The following ASIC2 variants were observed in gnomAD, a reference collection of about 807,000 sequenced individuals.
ASIC2 encodes the protein acid sensing ion channel subunit 2.
A neutral mutation model predicts 57.3 loss-of-function variants in ASIC2; 25 were observed. That is an observed-to-expected ratio of 0.44 (90% CI 0.32 to 0.61). The LOEUF (loss-of-function observed/expected upper bound fraction) is 0.61. Among genes scored for constraint, ASIC2 ranks in the 20% least tolerant of loss-of-function variants. ASIC2 has a pLI of 0.06. For synonymous variants in ASIC2, 319 were observed against 307.5 expected (o/e 1.04, Z -0.39); for missense variants, 641 against 738.1 (o/e 0.87, Z 1.52).
chr17:33,965,750 T>C (rs1905057052), intron 1 of ASIC2, among the ~76,000 whole-genome samples: 1 of 152,216 alleles, frequency 6.6e-6, no homozygotes, highest in Non-Finnish European at 1.5e-5. Flanking sequence ...GGCTCCAGCA[T>C]GCACACTCTT....
At chr17:33,934,339 T>C (rs567120092) in intron 1 of ASIC2, among the ~76,000 whole-genome samples, 1 of 152,316 alleles carries the variant, frequency 6.6e-6, no homozygotes, top group South Asian at 2.1e-4. Context: ...AAACTCAAAC[T>C]TGCATTTTCT....
At position 33,415,267 on chromosome 17, in the gene ASIC2, C is replaced by T. The variant is rs541564910; in HGVS notation, c.556-303200G>A. 2.6e-5 allele frequency among the ~76,000 whole-genome samples: 4 copies of T among 152,266 alleles called. No individual in the cohort carries two copies. In the South Asian group the frequency reaches 8.3e-4, roughly 32 times the overall value. On this transcript the variant is annotated intron_variant, in intron 1 of 9. Coordinates refer to the ASIC2 transcript ENST00000359872. ...AGGGACATCAAAATCTGTCGATGCT[C>T]GAATCTAATATGGAATAACATTGTA...
At chr17:34,006,296 GGA>G (rs1218878464) in intron 1 of ASIC2, 30 of 152,464 alleles carry the variant, frequency 2.0e-4, no homozygotes, top group African/African-American at 7.0e-4. Context: ...TTCACGGAGT[GGA>G]GAGAGTCTGG....
chr17:33,653,475 C>T (rs1431907476), intron 1 of ASIC2, among the ~76,000 whole-genome samples: 1 of 152,196 alleles, frequency 6.6e-6, no homozygotes, highest in African/African-American at 2.4e-5. Flanking sequence ...AACTCTTTCT[C>T]CATGCAATTT....
chr17:33,055,443 G>A (rs370000180), intron 3 of ASIC2, among the ~76,000 whole-genome samples: 9 of 152,116 alleles, frequency 5.9e-5, no homozygotes, highest in Non-Finnish European at 1.0e-4. Flanking sequence ...CTGCTCCCCC[G>A]TCTGCTTCAC....
chr17:33,494,358 TGAA>T (rs150312090), intron 1 of ASIC2, among the ~76,000 whole-genome samples: 3,382 of 152,298 alleles, frequency 0.022, 125 homozygotes, highest in African/African-American at 0.077. Context: ...GCCATGGTGA[TGAA>T]GAGCTCATGT....
intron 1 of ASIC2, among the ~76,000 whole-genome samples, chr17:33,400,510 G>A (rs1405367230): frequency 2.0e-5 from 3 of 152,228 alleles, no homozygotes; most frequent in East Asian, 3.9e-4. Context: ...TGACCTCTCC[G>A]ACTCTACTCC....
chr17:33,367,252 G>A (rs73287823), intron 1 of ASIC2, among the ~76,000 whole-genome samples: 4,414 of 152,298 alleles, frequency 0.029, 214 homozygotes, highest in African/African-American at 0.094. Context: ...AGTGTATAGG[G>A]CAGGCCTAGA....
rs540445865 is a variant in ASIC2, at chr17:33,622,394, G to GACAC, written c.556-510331_556-510328dup. ...ACAAACTACAGTTTTTTTAAAAAAA[G>GACAC]ACACACACACACACAGACACTCACT... On this transcript the variant is annotated intron_variant, in intron 1 of 9. Coordinates refer to the ASIC2 transcript ENST00000359872. 1.8e-4 allele frequency among the ~76,000 whole-genome samples: 28 copies of GACAC among 151,810 alleles called. 1 individual carries two copies. The highest frequency in any genetic ancestry group is 1.6e-3 in the Admixed American group (24 of 15,238).
At chr17:33,665,041 A>T (rs1474625954) in intron 1 of ASIC2, among the ~76,000 whole-genome samples, 1 of 148,658 alleles carries the variant, frequency 6.7e-6, no homozygotes, top group Non-Finnish European at 1.5e-5. Flanking sequence ...TAAAAATTTT[A>T]TTTTTTTTTT....
Position 34,044,884 on chromosome 17 carries a change from T to C in ASIC2, c.555+111094A>G, listed in dbSNP as rs191103807. The stretch of plus-strand genomic sequence containing the variant: ...CAAATGCCTCTGGAAGACTATTACT[T>C]GGAGTTACTCTGATTTATTTATTCA... On this transcript the variant is annotated intron_variant, in intron 1 of 9. Transcript: ENST00000359872. 6.4e-4 allele frequency among the ~76,000 whole-genome samples: 97 copies of C among 152,306 alleles called. 1 individual carries two copies. The highest frequency in any genetic ancestry group is 2.2e-3 in the African/African-American group (90 of 41,570).
intron 1 of ASIC2, among the ~76,000 whole-genome samples, chr17:33,743,287 G>A (rs531163212): frequency 2.6e-5 from 4 of 152,338 alleles, no homozygotes; most frequent in African/African-American, 9.6e-5. Flanking sequence ...AACAATGAGG[G>A]ACTGTGGCAC....
At chr17:34,084,262 T>C (rs1312902058) in intron 1 of ASIC2, among the ~76,000 whole-genome samples, 2 of 152,054 alleles carry the variant, frequency 1.3e-5, no homozygotes, top group South Asian at 2.1e-4. Flanking sequence ...TTTCCACATA[T>C]GGCTAGCCAG....
chr17:33,433,565 G>A (rs1348064855), intron 1 of ASIC2, among the ~76,000 whole-genome samples: 1 of 152,158 alleles, frequency 6.6e-6, no homozygotes, highest in Admixed American at 6.5e-5. Flanking sequence ...AGACCAGCCT[G>A]GCCAACATGG....
At chr17:33,435,608 G>A (rs771348912) in intron 1 of ASIC2, among the ~76,000 whole-genome samples, 8 of 152,134 alleles carry the variant, frequency 5.3e-5, no homozygotes, top group Non-Finnish European at 1.0e-4. Context: ...GGTAAATAAA[G>A]GGGACGGATC....
intron 1 of ASIC2, chr17:34,000,722 T>G (rs1388185026): frequency 6.6e-6 from 1 of 152,228 alleles, no homozygotes; most frequent in Non-Finnish European, 1.5e-5. Context: ...AAATATTGAT[T>G]TGCTTGATGG....
intron 1 of ASIC2, among the ~76,000 whole-genome samples, chr17:33,973,641 C>T (rs1905284229): frequency 6.6e-6 from 1 of 152,168 alleles, no homozygotes; most frequent in Non-Finnish European, 1.5e-5. Context: ...AAGCGACCTC[C>T]TGAACATATA....
intron 1 of ASIC2, among the ~76,000 whole-genome samples, chr17:33,590,522 T>C (rs532331716): frequency 1.4e-4 from 22 of 152,138 alleles, no homozygotes; most frequent in African/African-American, 5.1e-4. Flanking sequence ...CTTCAATGGC[T>C]GTGTCTCTAC....
chr17:33,882,049 C>G (rs1222244830), intron 1 of ASIC2, among the ~76,000 whole-genome samples: 1 of 152,202 alleles, frequency 6.6e-6, no homozygotes, highest in African/African-American at 2.4e-5. Flanking sequence ...GGAAAACTGG[C>G]TAGCCATATG....
Sources: allele counts gnomAD v4.1 joint callset (sites outside exome capture counted in the v4.1 genomes callset), GRCh38; gene constraint gnomAD v4.1.1; transcripts MANE v1.5; gene names NCBI Gene and HGNC (gene_info 2026-07-23, HGNC 2026-07-21).